The following SIRPG variants were observed in gnomAD, a reference collection of about 807,000 sequenced individuals.
SIRPG encodes the protein signal-regulatory protein gamma.
SIRPG carries 38 observed loss-of-function variants against 35.7 expected under a neutral mutation model. That is an observed-to-expected ratio of 1.06 (90% CI 0.82 to 1.40). SIRPG has a LOEUF of 1.40. SIRPG is among the 40% of genes most tolerant of loss of function. The probability of loss-of-function intolerance (pLI) is 0.00; values close to 1 mark genes in which losing one functional copy is unlikely to be tolerated. For synonymous variants in SIRPG, 215 were observed against 190.4 expected (o/e 1.13, Z -1.06); for missense variants, 519 against 483.0 (o/e 1.07, Z -0.70).
At chr20:1,683,836 G>A in the SIRPG span, among the ~76,000 whole-genome samples, 1 of 152,072 alleles carries the variant, frequency 6.6e-6, no homozygotes, top group African/African-American at 2.4e-5. Context: ...GGGCATGGTG[G>A]CGGACATCTG....
chr20:1,669,666 A>T, the SIRPG span, among the ~76,000 whole-genome samples: 1 of 151,854 alleles, frequency 6.6e-6, no homozygotes, highest in Admixed American at 6.6e-5. Flanking sequence ...AAAACACAGG[A>T]CTCCATGAGC....
At chr20:1,646,209 A>G (rs899116923) in intron 2 of SIRPG, 2 of 152,176 alleles carry the variant, frequency 1.3e-5, no homozygotes, top group Non-Finnish European at 2.9e-5. Context: ...CTGACTGCAC[A>G]CCCAATTGTC....
chr20:1,630,543 G>A (rs1161325252), intron 4 of SIRPG: 1 of 495,390 alleles, frequency 2.0e-6, no homozygotes, highest in Non-Finnish European at 3.6e-6. Flanking sequence ...AGAGGTGGAG[G>A]GGGTGTGTAC....
upstream of SIRPG, chr20:1,657,886 G>A (rs946904303): frequency 3.4e-6 from 2 of 583,386 alleles, no homozygotes; most frequent in African/African-American, 3.8e-5. Flanking sequence ...AGGCACAGTA[G>A]GCAGCTACAA....
intron 1 of SIRPG, among the ~76,000 whole-genome samples, chr20:1,650,871 G>A (rs761130440): frequency 4.6e-5 from 7 of 152,166 alleles, no homozygotes; most frequent in East Asian, 1.9e-4. Context: ...GGAGAGAAAC[G>A]ATTCCTCACA....
intron 4 of SIRPG, among the ~76,000 whole-genome samples, chr20:1,632,488 C>T (rs570498090): frequency 5.9e-5 from 9 of 152,192 alleles, no homozygotes; most frequent in Non-Finnish European, 1.3e-4. Flanking sequence ...AAAGATGCTA[C>T]ATCTGGCAAA....
At chr20:1,674,118 G>A in the SIRPG span, among the ~76,000 whole-genome samples, 63 of 152,336 alleles carry the variant, frequency 4.1e-4, no homozygotes, top group Non-Finnish European at 7.3e-4. Flanking sequence ...CTGTGTATTA[G>A]AATCTTCTGG....
chr20:1,683,918 G>A, the SIRPG span, among the ~76,000 whole-genome samples: 26 of 149,680 alleles, frequency 1.7e-4, no homozygotes, highest in Admixed American at 4.0e-4. Flanking sequence ...GCAGTGAGCC[G>A]AGATCTCACC....
chr20:1,668,215 C>CTT, the SIRPG span, among the ~76,000 whole-genome samples: 428 of 31,546 alleles, frequency 0.014, 3 homozygotes, highest in African/African-American at 0.031. Flanking sequence ...TTCTTTCTTT[C>CTT]TTTCTTTCTT....
intron 2 of SIRPG, among the ~76,000 whole-genome samples, chr20:1,642,386 G>A (rs2873613): frequency 0.26 from 39,069 of 151,824 alleles, 5,685 homozygotes; most frequent in East Asian, 0.62. Flanking sequence ...GACCAGGATC[G>A]CAACCCCCAC....
At chr20:1,656,306 C>T (rs958060129) in intron 1 of SIRPG, among the ~76,000 whole-genome samples, 1 of 152,174 alleles carries the variant, frequency 6.6e-6, no homozygotes, top group Non-Finnish European at 1.5e-5. Flanking sequence ...AGGTTCCTGC[C>T]TCTGCCTCAC....
chr20:1,661,104 T>C (rs768915791), upstream of SIRPG, among the ~76,000 whole-genome samples: 12 of 152,192 alleles, frequency 7.9e-5, no homozygotes, highest in Non-Finnish European at 1.3e-4. Context: ...TCATTATAGA[T>C]AGTAGTTAGA....
intron 4 of SIRPG, among the ~76,000 whole-genome samples, chr20:1,634,982 G>A (rs2091783350): frequency 6.6e-6 from 1 of 151,854 alleles, no homozygotes; most frequent in East Asian, 1.9e-4. Flanking sequence ...GGCGGAGCTT[G>A]CGGTGAGCAG....
chr20:1,630,097 T>C, intron 5 of SIRPG, 125 bp downstream of exon 5: 1 of 727,316 alleles, frequency 1.4e-6, no homozygotes, highest in Non-Finnish European at 2.4e-6. Flanking sequence ...CCCCAAGACT[T>C]CCGAGGGTGC....
chr20:1,644,364 T>G (rs534249995), intron 2 of SIRPG, among the ~76,000 whole-genome samples: 1 of 152,316 alleles, frequency 6.6e-6, no homozygotes, highest in East Asian at 1.9e-4. Context: ...AGCTGGTGTG[T>G]TGGGCTGTGG....
At chr20:1,658,581 G>A (rs2091987186), upstream of SIRPG, among the ~76,000 whole-genome samples, 1 of 152,204 alleles carries the variant, frequency 6.6e-6, no homozygotes, top group South Asian at 2.1e-4. Flanking sequence ...TGCCAAGAGT[G>A]TGTGCCAAGG....
At chr20:1,661,683 G>A (rs1181489619), upstream of SIRPG, among the ~76,000 whole-genome samples, 1 of 152,230 alleles carries the variant, frequency 6.6e-6, no homozygotes, top group Non-Finnish European at 1.5e-5. Flanking sequence ...TGAGGAGTGA[G>A]GTAGCTGTAG....
At chr20:1,673,288 A>T in the SIRPG span, among the ~76,000 whole-genome samples, 1 of 151,802 alleles carries the variant, frequency 6.6e-6, no homozygotes, top group Admixed American at 6.6e-5. Flanking sequence ...CTCCCTCTAT[A>T]CCTCTCTTTA....
At chr20:1,663,698 C>T in the SIRPG span, among the ~76,000 whole-genome samples, 60 of 152,258 alleles carry the variant, frequency 3.9e-4, no homozygotes, top group African/African-American at 1.2e-3. Flanking sequence ...TTGAATGTTG[C>T]GTGTAAATGA....
Sources: allele counts gnomAD v4.1 joint callset (sites outside exome capture counted in the v4.1 genomes callset), GRCh38; gene constraint gnomAD v4.1.1; transcripts MANE v1.5; gene names NCBI Gene and HGNC (gene_info 2026-07-23, HGNC 2026-07-21).